Variants in ITGB2 observed in about 807,000 individuals in gnomAD.
ITGB2 encodes integrin subunit beta 2, also known as integrin beta-2.
In ITGB2, 56 loss-of-function variants were observed where a neutral mutation model predicts 86.8. The observed-to-expected ratio is 0.65, with a 90% CI of 0.52 to 0.81. ITGB2 has a LOEUF of 0.81. Among genes scored for constraint, ITGB2 ranks in the 30% least tolerant of loss-of-function variants. The pLI, the probability that ITGB2 is intolerant of heterozygous loss-of-function variation, is 0.00. For missense variants in ITGB2, 948 were observed against 1,061.2 expected, an observed-to-expected ratio of 0.89 and a Z score of 1.48; for synonymous variants, 457 against 450.4, an observed-to-expected ratio of 1.01 and a Z score of -0.19.
chr21:44,917,895 G>A (rs138162374), intron 1 of ITGB2, among the ~76,000 whole-genome samples: 88 of 152,350 alleles, frequency 5.8e-4, no homozygotes, highest in African/African-American at 1.6e-3. Context: ...CACGCAGCCC[G>A]GGGTGGGCAG....
chr21:44,896,204 G>A (rs1393109899), intron 8 of ITGB2, among the ~76,000 whole-genome samples: 2 of 152,232 alleles, frequency 1.3e-5, no homozygotes, highest in African/African-American at 4.8e-5. Flanking sequence ...GGACGTGCAT[G>A]GTGGCCAGTG....
At chr21:44,923,803 T>C (rs2084338591), upstream of ITGB2, among the ~76,000 whole-genome samples, 1 of 152,170 alleles carries the variant, frequency 6.6e-6, no homozygotes, top group African/African-American at 2.4e-5. Flanking sequence ...TTTATCACAA[T>C]TAAAAAGTAA....
intron 1 of ITGB2, among the ~76,000 whole-genome samples, chr21:44,916,085 G>C (rs1318780666): frequency 6.6e-6 from 1 of 152,024 alleles, no homozygotes; most frequent in Non-Finnish European, 1.5e-5. Context: ...ACTAGGCCCA[G>C]CTAATTTTTG....
intron 13 of ITGB2, 106 bp downstream of exon 13, chr21:44,889,170 C>T (rs2083746329): frequency 1.5e-5 from 17 of 1,113,612 alleles, no homozygotes; most frequent in South Asian, 4.1e-5. Context: ...CAGAGAACCC[C>T]GCGGTGCAGA....
intron 14 of ITGB2, among the ~76,000 whole-genome samples, chr21:44,887,953 G>A (rs1226603819): frequency 6.6e-6 from 1 of 152,222 alleles, no homozygotes; most frequent in African/African-American, 2.4e-5. Context: ...GCCTGATGGA[G>A]TCCGCCAGCG....
intron 1 of ITGB2, among the ~76,000 whole-genome samples, chr21:44,919,730 C>T (rs570416709): frequency 1.3e-5 from 2 of 152,358 alleles, no homozygotes; most frequent in South Asian, 4.1e-4. Context: ...CATGCCACCC[C>T]TCCTTCTCCC....
At chr21:44,909,576 T>G (rs1377778002) in intron 3 of ITGB2, 1 of 152,122 alleles carries the variant, frequency 6.6e-6, no homozygotes, top group Non-Finnish European at 1.5e-5. Context: ...GATGGCTGAG[T>G]GCAGGGTGAG....
chr21:44,896,055 G>A (rs548938307), intron 8 of ITGB2, among the ~76,000 whole-genome samples: 3 of 151,606 alleles, frequency 2.0e-5, no homozygotes, highest in Admixed American at 1.3e-4. Flanking sequence ...TCCCGCCTGC[G>A]GTGTGAGTGA....
At chr21:44,919,992 G>T (rs575988172) in intron 1 of ITGB2, among the ~76,000 whole-genome samples, 4 of 152,192 alleles carry the variant, frequency 2.6e-5, no homozygotes, top group African/African-American at 7.2e-5. Flanking sequence ...ATGGCCTCCA[G>T]GAGCCTGTTG....
At chr21:44,898,669 C>T (rs1392616894) in intron 8 of ITGB2, among the ~76,000 whole-genome samples, 3 of 152,236 alleles carry the variant, frequency 2.0e-5, no homozygotes, top group Non-Finnish European at 4.4e-5. Context: ...CATCCCACTC[C>T]GCACTCCAAG....
chr21:44,889,096 C>A (rs2083744480), intron 13 of ITGB2, 180 bp downstream of exon 13: 6 of 706,166 alleles, frequency 8.5e-6, no homozygotes, highest in Non-Finnish European at 1.4e-5. Flanking sequence ...CAGGTGCGCA[C>A]AGGAGGGAGG....
chr21:44,901,447 C>A lies in ITGB2; in HGVS notation c.741+45G>T, dbSNP rs1045190031. 1.9e-6 allele frequency: 3 copies of A among 1,605,028 alleles called. No individual in the cohort carries two copies. In the African/African-American group the frequency reaches 4.0e-5, roughly 21 times the overall value. On this transcript the variant is annotated intron_variant, in intron 6 of 15. Transcript: ENST00000652462. ...CCACACAGCGCCTGACAGAGCCCCC[C>A]ACACTGGGGGAACGTGGGGACCCAA...
At chr21:44,893,289 C>T in intron 10 of ITGB2, 115 bp downstream of exon 10, 1 of 1,305,720 alleles carries the variant, frequency 7.7e-7, no homozygotes, top group Non-Finnish European at 1.1e-6. Context: ...GACCCTGGCT[C>T]CTTCTGGCTG....
intron 5 of ITGB2, among the ~76,000 whole-genome samples, chr21:44,902,663 G>A (rs1006200398): frequency 6.6e-6 from 1 of 151,958 alleles, no homozygotes; most frequent in Middle Eastern, 3.3e-3. Flanking sequence ...GCATTCGCAT[G>A]TGTGAGCGTG....
intron 8 of ITGB2, among the ~76,000 whole-genome samples, chr21:44,895,575 C>T (rs1249749743): frequency 6.6e-6 from 1 of 150,814 alleles, no homozygotes; most frequent in African/African-American, 2.4e-5. Context: ...GGCATGATGG[C>T]TCACGCCTGT....
In ITGB2 at chr21:44,913,826, G is replaced by A. The variant is rs571738165; in HGVS notation, c.-3-3041C>T. On this transcript the variant is annotated intron_variant, in intron 1 of 15. Transcript: ENST00000652462. ...CTGCCTCAGTTTCCTCCATGTGCCT[G>A]GAGGTGGTCGAAGGGCCTGTGCCAG... Among the ~76,000 whole-genome samples the A allele has an allele frequency of 1.5e-3, 226 of 152,346 alleles. 5 individuals are homozygous for A. In the South Asian group the frequency reaches 0.046, roughly 31 times the overall value.
At chr21:44,906,298 G>A (rs2146537445) in intron 4 of ITGB2, among the ~76,000 whole-genome samples, 1 of 152,136 alleles carries the variant, frequency 6.6e-6, no homozygotes, top group East Asian at 1.9e-4. Context: ...AGGTTCAAGT[G>A]ATTCTCCTGC....
At chr21:44,898,262 C>T (rs1015346035) in intron 8 of ITGB2, among the ~76,000 whole-genome samples, 9 of 152,322 alleles carry the variant, frequency 5.9e-5, no homozygotes, top group Admixed American at 3.9e-4. Context: ...TGAGGCCACA[C>T]ATCATCGCTG....
At chr21:44,887,475 G>A (rs114744842) in intron 14 of ITGB2, among the ~76,000 whole-genome samples, 192 of 152,226 alleles carry the variant, frequency 1.3e-3, no homozygotes, top group African/African-American at 3.7e-3. Context: ...AGACACTAGC[G>A]TTCAGTGCAG....
Sources: allele counts gnomAD v4.1 joint callset (sites outside exome capture counted in the v4.1 genomes callset), GRCh38; gene constraint gnomAD v4.1.1; transcripts MANE v1.5; gene names NCBI Gene and HGNC (gene_info 2026-07-23, HGNC 2026-07-21).